Variants in TANC2 observed in about 807,000 individuals in gnomAD.
The protein encoded by TANC2 is tetratricopeptide repeat, ankyrin repeat and coiled-coil containing 2, also known as protein TANC2.
A neutral mutation model predicts 210.5 loss-of-function variants in TANC2; 26 were observed. The observed-to-expected ratio is 0.12, with a 90% confidence interval of 0.09 to 0.17. TANC2 has a LOEUF of 0.17. Ranked by LOEUF, TANC2 falls within the 10% of genes least tolerant of loss-of-function variation. The pLI, the probability that TANC2 is intolerant of heterozygous loss-of-function variation, is 1.00. For synonymous variants in TANC2, 931 were observed against 967.1 expected (o/e 0.96, Z 0.69); for missense variants, 2,129 against 2,608.9 (o/e 0.82, Z 4.01).
intron 3 of TANC2, among the ~76,000 whole-genome samples, chr17:63,085,054 T>A (rs1008384403): frequency 3.3e-5 from 5 of 152,198 alleles, no homozygotes; most frequent in African/African-American, 4.8e-5. Flanking sequence ...GCTGGATCTG[T>A]CCATTTCTGA....
chr17:63,320,603 T>TA (rs1442832636), intron 11 of TANC2: 1 of 152,178 alleles, frequency 6.6e-6, no homozygotes, highest in African/African-American at 2.4e-5. Context: ...CATTCTAGGG[T>TA]AAAAATTATT....
chr17:63,121,209 G>T (rs1186144935), intron 4 of TANC2, among the ~76,000 whole-genome samples: 1 of 152,102 alleles, frequency 6.6e-6, no homozygotes, highest in Non-Finnish European at 1.5e-5. Flanking sequence ...TGATAAATGT[G>T]TGTTTTTTAT....
chr17:63,386,880 C>T lies in TANC2; in HGVS notation c.2692-1755C>T, dbSNP rs116218587. Among the ~76,000 whole-genome samples the T allele has an allele frequency of 3.1e-3, 467 of 152,004 alleles. 1 individual carries two copies. The highest frequency in any genetic ancestry group is 0.011 in the African/African-American group (451 of 41,456). ...GTTTTTTGGTTTTTTTGAGACAAAGCCTCACGGTGTTGCCCAGGCTGGAGT... is the reference window on the plus strand; with the variant it reads ...GTTTTTTGGTTTTTTTGAGACAAAGTCTCACGGTGTTGCCCAGGCTGGAGT... On this transcript the variant is annotated intron_variant, in intron 15 of 27. Coordinates refer to ENST00000689528, the Ensembl canonical transcript of TANC2.
chr17:63,095,782 G>A (rs1033381135), intron 3 of TANC2, among the ~76,000 whole-genome samples: 2 of 152,112 alleles, frequency 1.3e-5, no homozygotes, highest in African/African-American at 2.4e-5. Flanking sequence ...CTGCTCACCA[G>A]TACTTTAAAC....
intron 2 of TANC2, among the ~76,000 whole-genome samples, chr17:63,037,289 T>C (rs1239882192): frequency 6.6e-6 from 1 of 151,930 alleles, no homozygotes; most frequent in African/African-American, 2.4e-5. Context: ...CTGGAAGGGA[T>C]GATTTACATC....
At chr17:63,270,687 A>G (rs1322831324) in intron 9 of TANC2, among the ~76,000 whole-genome samples, 2 of 152,130 alleles carry the variant, frequency 1.3e-5, no homozygotes, top group East Asian at 3.9e-4. Flanking sequence ...TTTAACTTTT[A>G]AGTTTAGGGG....
chr17:63,401,479 C>T (rs1170107479), intron 19 of TANC2, among the ~76,000 whole-genome samples: 1 of 152,202 alleles, frequency 6.6e-6, no homozygotes, highest in East Asian at 1.9e-4. Context: ...ATTCCAATTT[C>T]AGAGATGTTA....
At chr17:63,232,632 T>C (rs543390810) in intron 7 of TANC2, among the ~76,000 whole-genome samples, 3 of 152,340 alleles carry the variant, frequency 2.0e-5, no homozygotes, top group Admixed American at 2.0e-4. Flanking sequence ...CTTCTTCCTC[T>C]AGGAGCTCCA....
chr17:63,336,562 G>C (rs1224142945), intron 11 of TANC2, among the ~76,000 whole-genome samples: 1 of 152,134 alleles, frequency 6.6e-6, no homozygotes, highest in Non-Finnish European at 1.5e-5. Context: ...TTGACTTCTA[G>C]TCTTTTCTTT....
At chr17:63,086,237 T>A (rs2036960339) in intron 3 of TANC2, among the ~76,000 whole-genome samples, 1 of 152,116 alleles carries the variant, frequency 6.6e-6, no homozygotes, top group African/African-American at 2.4e-5. Flanking sequence ...CTGCTGGGAG[T>A]ACTCGGAGCT....
At chr17:63,227,460 AT>A (rs956099712) in intron 7 of TANC2, among the ~76,000 whole-genome samples, 1 of 151,670 alleles carries the variant, frequency 6.6e-6, no homozygotes, top group Non-Finnish European at 1.5e-5. Context: ...TTTTTGTTTT[AT>A]TTTTTGTAAA....
intron 20 of TANC2, 125 bp downstream of exon 20, chr17:63,405,380 C>A: frequency 9.2e-7 from 1 of 1,085,512 alleles, no homozygotes; most frequent in Non-Finnish European, 1.2e-6. Context: ...GGTTTGAGGA[C>A]TTGGACCTTT....
intron 1 of TANC2, among the ~76,000 whole-genome samples, chr17:62,980,227 T>G (rs946763353): frequency 6.6e-6 from 1 of 152,178 alleles, no homozygotes; most frequent in African/African-American, 2.4e-5. Context: ...GCTCCTCCTA[T>G]TGGGAACAGA....
intron 5 of TANC2, among the ~76,000 whole-genome samples, chr17:63,175,861 A>C (rs956808698): frequency 1.3e-5 from 2 of 152,236 alleles, no homozygotes; most frequent in Admixed American, 1.3e-4. Context: ...CCACCATTTT[A>C]TTATGACAAC....
At chr17:63,082,186 A>G (rs1443186639) in intron 3 of TANC2, among the ~76,000 whole-genome samples, 1 of 152,228 alleles carries the variant, frequency 6.6e-6, no homozygotes, top group Non-Finnish European at 1.5e-5. Context: ...AAAGAAGTTC[A>G]GAAAAGGTAT....
At position 63,389,915 on chromosome 17, in the gene TANC2, C is replaced by T. The variant is rs545114310; in HGVS notation, c.3051+371C>T. ...GCAGGTCTGGACCAAATGACACCTG[C>T]AGGCTCTAAGCCTTTCATGTGTAGA... On this transcript the variant is annotated intron_variant, in intron 17 of 27. Transcript: ENST00000689528. 1.8e-5 allele frequency: 5 copies of T among 284,442 alleles called. No individual in the cohort carries two copies. The South Asian group carries it at 1.9e-4, about 11-fold the overall frequency. The allele number at this position is 284,442 out of a possible 1,614,324, so 17.6% of individuals were successfully genotyped here.
At chr17:63,123,490 C>T (rs560250310) in intron 4 of TANC2, among the ~76,000 whole-genome samples, 2 of 149,148 alleles carry the variant, frequency 1.3e-5, no homozygotes, top group African/African-American at 2.5e-5. Flanking sequence ...ACCCGGGAGG[C>T]GGAGCTTGCA....
At chr17:63,191,817 A>G (rs1276266017) in intron 5 of TANC2, among the ~76,000 whole-genome samples, 1 of 152,216 alleles carries the variant, frequency 6.6e-6, no homozygotes, top group Non-Finnish European at 1.5e-5. Flanking sequence ...AAAATAGGAA[A>G]TGAAAGTGGA....
chr17:63,039,501 A>G (rs1267555464), intron 2 of TANC2, among the ~76,000 whole-genome samples: 1 of 152,208 alleles, frequency 6.6e-6, no homozygotes, highest in African/African-American at 2.4e-5. Flanking sequence ...GAGTGCGTTC[A>G]ATATACAGAC....
Sources: gnomAD v4.1 joint callset for allele counts (sites outside exome capture counted in the v4.1 genomes callset) on GRCh38, gnomAD v4.1.1 for gene constraint, MANE v1.5 for transcripts, NCBI Gene and HGNC (gene_info 2026-07-23, HGNC 2026-07-21) for gene names.